Variants in CADPS observed in about 807,000 individuals in gnomAD.
CADPS encodes the protein calcium dependent secretion activator.
Under a neutral mutation model 167.3 loss-of-function variants are expected in CADPS, and 57 were observed. The observed-to-expected ratio is 0.34, with a 90% confidence interval of 0.28 to 0.42. The LOEUF (loss-of-function observed/expected upper bound fraction) is 0.42, where lower values mean the gene tolerates loss of function less well. CADPS is among the 20% of genes least tolerant of loss of function. The pLI, the probability that CADPS is intolerant of heterozygous loss-of-function variation, is 1.00. For synonymous variants in CADPS, 676 were observed against 635.3 expected, an observed-to-expected ratio of 1.06 and a Z score of -0.96; for missense variants, 1,414 against 1,738.1, an observed-to-expected ratio of 0.81 and a Z score of 3.32.
At chr3:62,703,303 T>G (rs1435405576) in intron 3 of CADPS, among the ~76,000 whole-genome samples, 1 of 152,130 alleles carries the variant, frequency 6.6e-6, no homozygotes, top group African/African-American at 2.4e-5. Context: ...GAACTCCAGA[T>G]GCTTTTCTAC....
At chr3:62,685,300 C>T (rs1234748177) in intron 3 of CADPS, among the ~76,000 whole-genome samples, 1 of 151,838 alleles carries the variant, frequency 6.6e-6, no homozygotes, top group East Asian at 1.9e-4. Flanking sequence ...CTAAGGCACA[C>T]AAACAGGTAG....
intron 23 of CADPS, among the ~76,000 whole-genome samples, chr3:62,474,644 C>T (rs2061040143): frequency 1.3e-5 from 2 of 152,126 alleles, no homozygotes; most frequent in South Asian, 4.1e-4. Flanking sequence ...AGCAGTATAG[C>T]ATATGTAAGT....
chr3:62,621,277 AAG>A (rs2063126709), intron 6 of CADPS, among the ~76,000 whole-genome samples: 2 of 152,036 alleles, frequency 1.3e-5, no homozygotes, highest in Non-Finnish European at 2.9e-5. Context: ...GAGGAGCAGA[AAG>A]AGAATGCTGG....
intron 4 of CADPS, among the ~76,000 whole-genome samples, chr3:62,653,044 ATAAC>A (rs2070638722): frequency 6.6e-6 from 1 of 152,134 alleles, no homozygotes; most frequent in African/African-American, 2.4e-5. Context: ...ATCTCCCTGC[ATAAC>A]TAACAGCCTT....
intron 9 of CADPS, among the ~76,000 whole-genome samples, chr3:62,570,482 T>C (rs1231856692): frequency 6.6e-6 from 1 of 152,216 alleles, no homozygotes; most frequent in Non-Finnish European, 1.5e-5. Context: ...CAGCCAAAGT[T>C]AATGTCCCTA....
At chr3:62,785,745 C>T (rs77458808) in intron 1 of CADPS, among the ~76,000 whole-genome samples, 2,135 of 152,136 alleles carry the variant, frequency 0.014, 21 homozygotes, top group East Asian at 0.054. Context: ...TCAGCCTTTC[C>T]CAGTGCAAAT....
chr3:62,617,243 T>C (rs1373257624), intron 6 of CADPS, among the ~76,000 whole-genome samples: 1 of 152,054 alleles, frequency 6.6e-6, no homozygotes, highest in Non-Finnish European at 1.5e-5. Context: ...AAAATAGTGC[T>C]AATGAACACT....
At position 62,813,803 on chromosome 3, in the gene CADPS, A is replaced by G. The variant is rs191068593; in HGVS notation, c.442-47819T>C. Among the ~76,000 whole-genome samples, 19 of 152,292 alleles carry G rather than the reference A, an allele frequency of 1.2e-4. No individual in the cohort carries two copies. The East Asian group carries it at 3.7e-3, about 29-fold the overall frequency. On this transcript the variant is annotated intron_variant, in intron 1 of 29. Transcript: ENST00000383710. ...CTTGAAAAGTGGGCAAAGGACATGA[A>G]CAGACACTTCTCAAAAGAAAACATA...
At position 62,874,997 on chromosome 3, in the gene CADPS, C is replaced by T. The variant is rs1227637444; in HGVS notation, c.33G>A (p.Ser11=). The part of the protein sequence containing the change: MLDPSSSEEE[S]DEIVEEESGK... ...CGCTCTCCTCCTCCACGATCTCATC[C>T]GATTCTTCTTCGCTGGACGAAGGGT... Residue 11 remains serine (S), a synonymous_variant, in exon 1 of 30, where the codon TCG becomes TCA. Transcript: ENST00000383710. The surrounding 1 kb of genome is among the most constrained non-coding windows in gnomAD (Gnocchi z 7.1). The T allele has an allele frequency of 2.5e-6, 4 of 1,596,754 alleles. No individual in the cohort carries two copies. Among genetic ancestry groups the T allele is most frequent in the South Asian group, 2.2e-5 (2 of 90,750 alleles).
intron 3 of CADPS, among the ~76,000 whole-genome samples, chr3:62,693,038 C>CG (rs1491417436): frequency 7.9e-5 from 1 of 12,644 alleles, no homozygotes; most frequent in Non-Finnish European, 1.3e-4. Context: ...AATTTCTTGG[C>CG]CATCAAGTTT....
In CADPS at chr3:62,720,043, T is replaced by C. The variant is rs190997151; in HGVS notation, c.888+33398A>G. ...GGATAACAGAGTCTCTGTCAACTGA[T>C]GATGGACACAAAACACAACAAAGAA... On this transcript the variant is annotated intron_variant, in intron 3 of 29. Transcript: ENST00000383710. Among the ~76,000 whole-genome samples, 14 of 152,296 alleles carry C rather than the reference T, an allele frequency of 9.2e-5. No individual in the cohort carries two copies. The East Asian group carries it at 2.7e-3, about 29-fold the overall frequency.
chr3:62,743,924 C>T (rs1014370165), intron 3 of CADPS, among the ~76,000 whole-genome samples: 1 of 152,168 alleles, frequency 6.6e-6, no homozygotes, highest in Non-Finnish European at 1.5e-5. Context: ...CTACCACCTT[C>T]CTAGAGTCTA....
At chr3:62,800,881 C>T (rs1169379690) in intron 1 of CADPS, among the ~76,000 whole-genome samples, 1 of 152,138 alleles carries the variant, frequency 6.6e-6, no homozygotes, top group Non-Finnish European at 1.5e-5. Context: ...AATTTTACAC[C>T]TAGAGCCCCC....
intron 1 of CADPS, among the ~76,000 whole-genome samples, chr3:62,868,079 TAAAAAC>T (rs766057974): frequency 1.4e-4 from 22 of 152,082 alleles, no homozygotes; most frequent in Non-Finnish European, 2.4e-4. Flanking sequence ...CCTCATCTGT[TAAAAAC>T]AGAAATCATA....
chr3:62,864,970 C>A (rs1187314175), intron 1 of CADPS, among the ~76,000 whole-genome samples: 2 of 152,100 alleles, frequency 1.3e-5, no homozygotes, highest in Non-Finnish European at 2.9e-5. Flanking sequence ...GTTTCTCATA[C>A]ATAGAAGTGG....
intron 1 of CADPS, among the ~76,000 whole-genome samples, chr3:62,870,256 AT>A (rs1018325541): frequency 9.2e-5 from 14 of 151,636 alleles, no homozygotes; most frequent in South Asian, 4.2e-4. Context: ...AAAAGGTAGA[AT>A]TTTTTTTTAG....
intron 4 of CADPS, among the ~76,000 whole-genome samples, chr3:62,654,380 G>A (rs1395677282): frequency 6.6e-6 from 1 of 152,098 alleles, no homozygotes; most frequent in African/African-American, 2.4e-5. Context: ...GAGAATCAAG[G>A]GTGGCTTCCC....
rs1434761854 is a variant in CADPS, at chr3:62,421,584, C to T, written c.3777+16520G>A. On this transcript the variant is annotated intron_variant, in intron 28 of 29. Transcript: ENST00000383710. The surrounding 1 kb of genome is among the most constrained non-coding windows in gnomAD (Gnocchi z 4.7). ...GGAACAACATGTTATAGACAGTAGT[C>T]TTGCTAGAAAGAGACTTTATTTTAA... Among the ~76,000 whole-genome samples the T allele has an allele frequency of 6.6e-6, 1 of 152,230 alleles. No individual in the cohort carries two copies. Among genetic ancestry groups the T allele is most frequent in the Non-Finnish European group, 1.5e-5 (1 of 68,040 alleles).
intron 6 of CADPS, among the ~76,000 whole-genome samples, chr3:62,614,853 A>G (rs1410764914): frequency 6.6e-6 from 1 of 152,194 alleles, no homozygotes; most frequent in Non-Finnish European, 1.5e-5. Context: ...ATCTTGGATA[A>G]GTACCCTCAC....
Sources: allele counts gnomAD v4.1 joint callset (sites outside exome capture counted in the v4.1 genomes callset), GRCh38; gene constraint gnomAD v4.1.1; non-coding constraint Gnocchi (gnomAD v3.1); transcripts MANE v1.5; gene names NCBI Gene and HGNC (gene_info 2026-07-23, HGNC 2026-07-21).